PRELID2: variants seen among roughly 807,000 people sequenced by gnomAD.
The protein encoded by PRELID2 is PRELI domain-containing protein 2.
PRELID2 carries 25 observed loss-of-function variants against 28.4 expected under a neutral mutation model. The observed-to-expected ratio is 0.88, with a 90% CI of 0.64 to 1.23. PRELID2 has a LOEUF of 1.23. PRELID2 is among the 50% of genes most tolerant of loss of function. The pLI is 0.00. For missense variants in PRELID2, 201 were observed against 214.4 expected (o/e 0.94, Z 0.39); for synonymous variants, 76 against 71.6 (o/e 1.06, Z -0.31).
intron 1 of PRELID2, among the ~76,000 whole-genome samples, chr5:145,535,496 CAAGAT>C (rs1350047930): frequency 6.6e-6 from 1 of 151,554 alleles, no homozygotes; most frequent in Non-Finnish European, 1.5e-5. Flanking sequence ...TTGCTCTCAC[CAAGAT>C]AAGGAGTATT....
rs532000813 is a variant in PRELID2 at position 145,590,791 on chromosome 5, G to A, written n.71-117476C>T. Among the ~76,000 whole-genome samples, 25 of 151,944 alleles carry A rather than the reference G, an allele frequency of 1.6e-4. No homozygotes were observed. The East Asian group carries it at 4.1e-3, about 25-fold the overall frequency. ...TATACTCCATTTTATGTCCCATCCC[G>A]AGGAAAACTCTGGCCCCCAGAGTTT... On this transcript the variant is annotated intron_variant and non_coding_transcript_variant, in intron 1 of 2. Coordinates refer to the PRELID2 transcript ENST00000510259.
the PRELID2 span, among the ~76,000 whole-genome samples, chr5:145,396,140 G>A: frequency 5.3e-4 from 81 of 152,194 alleles, no homozygotes; most frequent in Admixed American, 5.3e-3. Context: ...CTAGTTCAAA[G>A]GAACAAATGT....
chr5:145,314,121 G>A, the PRELID2 span, among the ~76,000 whole-genome samples: 1 of 152,194 alleles, frequency 6.6e-6, no homozygotes, highest in African/African-American at 2.4e-5. Context: ...CAGGAACCAT[G>A]AGACCTTCAT....
At position 145,817,947 on chromosome 5, in the gene PRELID2, A is replaced by G; in HGVS notation, c.315T>C (p.Tyr105=). ...IRSHCLTWTQ[Y]ASMKEESVFR... Reference sequence around the variant, plus strand: ...AGACAGACTCTTCCTTCATGGATGCATACTGTGTCCACGTAAGGCAGTGAC... The same window carrying G: ...AGACAGACTCTTCCTTCATGGATGCGTACTGTGTCCACGTAAGGCAGTGAC... The change falls in exon 4 of 7, where the codon TAT becomes TAC. Residue 105 remains tyrosine (Y), a synonymous_variant. Coordinates refer to ENST00000683046, the MANE Select transcript of PRELID2 (RefSeq NM_205846.3). The G allele has an allele frequency of 1.3e-6, 2 of 1,599,080 alleles. No homozygotes were observed. Among genetic ancestry groups the G allele is most frequent in the South Asian group, 1.1e-5 (1 of 88,046 alleles).
At chr5:145,738,141 A>C (rs1327062643) in intron 1 of PRELID2, among the ~76,000 whole-genome samples, 1 of 152,200 alleles carries the variant, frequency 6.6e-6, no homozygotes, top group Non-Finnish European at 1.5e-5. Context: ...ATGTCAACAG[A>C]GACTGAGTGG....
chr5:145,366,155 C>T, the PRELID2 span, among the ~76,000 whole-genome samples: 7 of 151,870 alleles, frequency 4.6e-5, no homozygotes, highest in African/African-American at 1.7e-4. Flanking sequence ...ATAGAGGACA[C>T]ATGTTTCACA....
At chr5:145,763,815 C>T (rs1004224383) in intron 6 of PRELID2, among the ~76,000 whole-genome samples, 15 of 152,162 alleles carry the variant, frequency 9.9e-5, no homozygotes, top group Admixed American at 2.6e-4. Context: ...CAGTGGCTCA[C>T]GCCTGTAATC....
intron 1 of PRELID2, among the ~76,000 whole-genome samples, chr5:145,620,524 C>A (rs1753759775): frequency 6.6e-6 from 1 of 152,104 alleles, no homozygotes; most frequent in African/African-American, 2.4e-5. Context: ...AATCTTTGTA[C>A]CCTCCTCTCA....
At chr5:145,655,608 C>A (rs1042468017) in intron 1 of PRELID2, among the ~76,000 whole-genome samples, 1 of 152,114 alleles carries the variant, frequency 6.6e-6, no homozygotes, top group Non-Finnish European at 1.5e-5. Flanking sequence ...CATCTACAAC[C>A]ATCTGATCTT....
At chr5:145,462,285 T>G in the PRELID2 span, among the ~76,000 whole-genome samples, 1 of 152,194 alleles carries the variant, frequency 6.6e-6, no homozygotes. Flanking sequence ...GTCTTATACA[T>G]AGCTCCAAAA....
intron 1 of PRELID2, among the ~76,000 whole-genome samples, chr5:145,500,624 G>T (rs1752351646): frequency 6.6e-6 from 1 of 152,114 alleles, no homozygotes; most frequent in Admixed American, 6.5e-5. Context: ...TAAGGTTTTT[G>T]GTTGCAAGTA....
intron 1 of PRELID2, among the ~76,000 whole-genome samples, chr5:145,693,656 C>A (rs1489569551): frequency 6.6e-6 from 1 of 152,106 alleles, no homozygotes; most frequent in East Asian, 1.9e-4. Flanking sequence ...CACCTGCAGT[C>A]CTAGCTACTC....
chr5:145,638,180 C>T (rs1198282088), intron 1 of PRELID2, among the ~76,000 whole-genome samples: 1 of 152,166 alleles, frequency 6.6e-6, no homozygotes, highest in East Asian at 1.9e-4. Context: ...ATTGGTACTA[C>T]TACTACTACC....
the PRELID2 span, among the ~76,000 whole-genome samples, chr5:145,260,241 C>G: frequency 2.0e-5 from 3 of 152,128 alleles, no homozygotes; most frequent in African/African-American, 7.2e-5. Flanking sequence ...ATAAACAACC[C>G]AGTCCCAGGT....
chr5:145,368,764 G>A, the PRELID2 span, among the ~76,000 whole-genome samples: 6,167 of 151,216 alleles, frequency 0.041, 436 homozygotes, highest in African/African-American at 0.14. Flanking sequence ...TCAATGGTAA[G>A]GTTTTAATGC....
At chr5:145,413,639 C>CAA in the PRELID2 span, among the ~76,000 whole-genome samples, 1 of 151,656 alleles carries the variant, frequency 6.6e-6, no homozygotes, top group Non-Finnish European at 1.5e-5. Flanking sequence ...CACACACACA[C>CAA]ACACACACAC....
intron 5 of PRELID2, among the ~76,000 whole-genome samples, chr5:145,783,989 C>T (rs570349351): frequency 6.6e-6 from 1 of 152,032 alleles, no homozygotes; most frequent in South Asian, 2.1e-4. Flanking sequence ...ATATGAAAGG[C>T]TTGGAGGGGG....
chr5:145,329,415 TG>T, the PRELID2 span, among the ~76,000 whole-genome samples: 2 of 152,338 alleles, frequency 1.3e-5, no homozygotes, highest in Admixed American at 1.3e-4. Context: ...TCCATGAGCA[TG>T]GAATGTTTTT....
intron 1 of PRELID2, among the ~76,000 whole-genome samples, chr5:145,516,466 C>T (rs1212677565): frequency 6.6e-6 from 1 of 152,094 alleles, no homozygotes; most frequent in African/African-American, 2.4e-5. Context: ...AACTACAAAC[C>T]ACTGCTCAAG....
Sources: allele counts gnomAD v4.1 joint callset (sites outside exome capture counted in the v4.1 genomes callset), GRCh38; gene constraint gnomAD v4.1.1; transcripts MANE v1.5; gene names NCBI Gene and HGNC (gene_info 2026-07-23, HGNC 2026-07-21).